Variants in INSC observed in about 807,000 individuals in gnomAD.
INSC encodes the protein INSC spindle orientation adaptor protein.
In INSC, 67 loss-of-function variants were observed where a neutral mutation model predicts 58.6. The ratio of observed to expected loss-of-function variants is 1.14; its 90% CI spans 0.94 to 1.40. The LOEUF is 1.40. Among genes scored for constraint, INSC ranks in the 40% most tolerant of loss-of-function variants. The pLI is 0.00. For missense variants in INSC, 714 were observed against 692.0 expected (o/e 1.03, Z -0.36); for synonymous variants, 262 against 276.1 (o/e 0.95, Z 0.51).
chr11:15,192,631 G>C (rs1850221537), intron 6 of INSC, among the ~76,000 whole-genome samples: 1 of 152,206 alleles, frequency 6.6e-6, no homozygotes, highest in Non-Finnish European at 1.5e-5. Context: ...CAAAATCTCT[G>C]AGAGTTGGGA....
intron 2 of INSC, among the ~76,000 whole-genome samples, chr11:15,166,452 C>A (rs536050580): frequency 4.1e-4 from 63 of 152,168 alleles, no homozygotes; most frequent in East Asian, 9.7e-4. Context: ...AACACTTAAA[C>A]TTTTACCACA....
Position 15,124,870 on chromosome 11 carries a change from T to A in INSC, c.-46+9867T>A, listed in dbSNP as rs569597049. On this transcript the variant is annotated intron_variant, in intron 1 of 12. Coordinates refer to ENST00000379556, the MANE Select transcript of INSC (RefSeq NM_001042536.3). ...GGGTCTAAGTTACAGACTCATTTGCTCATTCCCTCCCTCACGAATTCATTC... is the reference window on the plus strand; with the variant it reads ...GGGTCTAAGTTACAGACTCATTTGCACATTCCCTCCCTCACGAATTCATTC... Among the ~76,000 whole-genome samples, 3 of 152,314 alleles carry A rather than the reference T, an allele frequency of 2.0e-5. No individual in the cohort carries two copies. In the South Asian group the frequency reaches 6.2e-4, roughly 32 times the overall value.
chr11:15,235,094 C>T (rs181890259), intron 9 of INSC: 237 of 184,172 alleles, frequency 1.3e-3, no homozygotes, highest in Admixed American at 4.4e-3. Flanking sequence ...GCTGCCTCTT[C>T]CTACTCATGC....
rs1423561845 is a variant in INSC, at chr11:15,229,972, A to AATAT, written c.1170+4144_1170+4145insATAT. 8.8e-4 allele frequency among the ~76,000 whole-genome samples: 12 copies of AATAT among 13,660 alleles called. 1 individual carries two copies. Among genetic ancestry groups the AATAT allele is most frequent in the African/African-American group, 2.8e-3 (12 of 4,356 alleles). 9.0% of individuals were successfully genotyped at this position (13,660 alleles called of 152,430 possible). ...ATTATATATATATTTATATATATAT[A>AATAT]TATATATTATATATATATATATATA... On this transcript the variant is annotated intron_variant, in intron 9 of 12. Coordinates refer to ENST00000379556, the MANE Select transcript of INSC (RefSeq NM_001042536.3).
At chr11:15,136,041 G>C (rs1173861682) in intron 1 of INSC, among the ~76,000 whole-genome samples, 1 of 152,108 alleles carries the variant, frequency 6.6e-6, no homozygotes, top group East Asian at 1.9e-4. Flanking sequence ...ATTCATGAGG[G>C]CTCTGCTCTC....
chr11:15,243,104 A>G (rs1244298404), intron 12 of INSC, among the ~76,000 whole-genome samples: 2 of 152,066 alleles, frequency 1.3e-5, no homozygotes, highest in Non-Finnish European at 2.9e-5. Context: ...CTATGTATTA[A>G]TTGATTTGGG....
chr11:15,174,247 G>C (rs73424572), intron 2 of INSC, among the ~76,000 whole-genome samples: 129 of 152,288 alleles, frequency 8.5e-4, no homozygotes, highest in African/African-American at 3.1e-3. Flanking sequence ...CCTTCGTCGT[G>C]TGCTTCAAGT....
chr11:15,210,749 C>T (rs1850993388), intron 7 of INSC, among the ~76,000 whole-genome samples: 2 of 152,008 alleles, frequency 1.3e-5, no homozygotes, highest in African/African-American at 4.8e-5. Flanking sequence ...GCACTCTCAG[C>T]CACCCCTGAG....
intron 7 of INSC, among the ~76,000 whole-genome samples, chr11:15,203,181 A>T (rs1453875004): frequency 6.6e-6 from 1 of 152,226 alleles, no homozygotes; most frequent in Non-Finnish European, 1.5e-5. Flanking sequence ...GCCATAGTAC[A>T]GCACCCCTGT....
chr11:15,266,053 G>C, the INSC span, among the ~76,000 whole-genome samples: 1 of 151,772 alleles, frequency 6.6e-6, no homozygotes, highest in Non-Finnish European at 1.5e-5. Flanking sequence ...CTCAAGATTT[G>C]ACATGATTTC....
At chr11:15,256,560 G>C in the INSC span, among the ~76,000 whole-genome samples, 1 of 151,094 alleles carries the variant, frequency 6.6e-6, no homozygotes, top group East Asian at 1.9e-4. Context: ...CAAGATCTTG[G>C]CTCACCGCAA....
intron 1 of INSC, among the ~76,000 whole-genome samples, chr11:15,131,036 T>A (rs908978268): frequency 3.9e-5 from 6 of 152,100 alleles, no homozygotes; most frequent in Non-Finnish European, 7.4e-5. Flanking sequence ...CTATCTTAAT[T>A]ATTTTCCCTC....
intron 7 of INSC, among the ~76,000 whole-genome samples, chr11:15,207,663 C>A (rs1322485442): frequency 1.3e-5 from 2 of 152,172 alleles, no homozygotes; most frequent in Non-Finnish European, 2.9e-5. Flanking sequence ...GGTGGGGAGG[C>A]TCTGTGGCCC....
chr11:15,212,008 A>C (rs936970160), intron 7 of INSC, among the ~76,000 whole-genome samples: 1 of 152,144 alleles, frequency 6.6e-6, no homozygotes, highest in Non-Finnish European at 1.5e-5. Flanking sequence ...ATTTCTTTAC[A>C]GTTTTATATA....
intron 5 of INSC, among the ~76,000 whole-genome samples, chr11:15,182,292 T>A (rs937541604): frequency 2.0e-5 from 3 of 152,090 alleles, no homozygotes; most frequent in Non-Finnish European, 4.4e-5. Context: ...AGATACATGC[T>A]CATCTGTAGC....
Position 15,125,335 on chromosome 11 carries a change from A to G in INSC, c.-46+10332A>G, listed in dbSNP as rs1847967224. ...TCAATGCAATAATGGGTGCCAGCTC[A>G]TGAAGGCTCTTGTGGGTTATTTGAA... On this transcript the variant is annotated intron_variant, in intron 1 of 12. Transcript: ENST00000379556. Among the ~76,000 whole-genome samples the G allele has an allele frequency of 2.6e-5, 4 of 152,366 alleles. No homozygotes were observed. The South Asian group carries it at 8.3e-4, about 32-fold the overall frequency.
chr11:15,122,478 G>A (rs1472243642), intron 1 of INSC, among the ~76,000 whole-genome samples: 1 of 152,182 alleles, frequency 6.6e-6, no homozygotes, highest in Admixed American at 6.5e-5. Flanking sequence ...ATGCCTCAAA[G>A]GCCTCTCAAA....
At position 15,119,219 on chromosome 11, in the gene INSC, T is replaced by C. The variant is rs189877695; in HGVS notation, c.-46+4216T>C. On this transcript the variant is annotated intron_variant, in intron 1 of 12. Transcript: ENST00000379556. ...CCTTTCCAGCCTCAGCTGGAGACTG[T>C]TGCTGTGTGAGAAGCAGGGATTGAA... is the stretch of plus-strand genomic sequence containing the variant. Among the ~76,000 whole-genome samples the C allele has an allele frequency of 3.9e-5, 6 of 152,364 alleles. No homozygotes were observed. In the East Asian group the frequency reaches 1.2e-3, roughly 29 times the overall value.
At chr11:15,264,780 C>G in the INSC span, among the ~76,000 whole-genome samples, 1 of 152,044 alleles carries the variant, frequency 6.6e-6, no homozygotes, top group Non-Finnish European at 1.5e-5. Context: ...CTACTAGTAG[C>G]CTTAATTACA....
Sources: allele counts gnomAD v4.1 joint callset (sites outside exome capture counted in the v4.1 genomes callset), GRCh38; gene constraint gnomAD v4.1.1; transcripts MANE v1.5; gene names NCBI Gene and HGNC (gene_info 2026-07-23, HGNC 2026-07-21).